The following GPR157 variants were observed in gnomAD, a reference collection of about 807,000 sequenced individuals.
The protein encoded by GPR157 is G protein-coupled receptor 157.
In GPR157, 16 loss-of-function variants were observed where a neutral mutation model predicts 23.5. That is an observed-to-expected ratio of 0.68 (90% CI 0.46 to 1.04). The LOEUF is 1.04. GPR157 is among the 50% of genes least tolerant of loss of function. The pLI is 0.00. For missense variants in GPR157, 440 were observed against 460.7 expected (o/e 0.96, Z 0.41); for synonymous variants, 200 against 221.5 (o/e 0.90, Z 0.86).
intron 1 of GPR157, among the ~76,000 whole-genome samples, chr1:9,123,962 G>A (rs1049525399): frequency 6.6e-6 from 1 of 151,254 alleles, no homozygotes; most frequent in African/African-American, 2.4e-5. Flanking sequence ...CTGAGGAGCT[G>A]GGACTGCAGC....
At chr1:9,126,032 G>A (rs1039989164) in intron 1 of GPR157, among the ~76,000 whole-genome samples, 14 of 149,686 alleles carry the variant, frequency 9.4e-5, no homozygotes, top group Non-Finnish European at 1.5e-4. Flanking sequence ...TGGCGCGATC[G>A]TGGCTCACTG....
chr1:9,115,172 C>T (rs1362237698), intron 1 of GPR157, among the ~76,000 whole-genome samples: 5 of 152,068 alleles, frequency 3.3e-5, no homozygotes, highest in Admixed American at 2.6e-4. Context: ...GTGTTGGGAA[C>T]ATTTCACAAC....
intron 1 of GPR157, among the ~76,000 whole-genome samples, chr1:9,116,133 A>C (rs2124518071): frequency 1.2e-5 from 1 of 86,634 alleles, no homozygotes; most frequent in South Asian, 3.1e-4. Flanking sequence ...ATAGCACACC[A>C]TTATATATAT....
Position 9,101,707 on chromosome 1 carries a change from G to A in GPR157, c.*2712C>T, listed in dbSNP as rs1214310546. ...ACTTGAGCCCAGGCACCCGGAGCAG[G>A]TATTTTCTGAGCCCTCAGCTCCCTC... On this transcript the variant is annotated 3_prime_UTR_variant, in exon 4 of 4. Coordinates refer to ENST00000377411, the MANE Select transcript of GPR157 (RefSeq NM_024980.5). The A allele has an allele frequency of 6.6e-6, 1 of 152,242 alleles. No individual in the cohort carries two copies. Among genetic ancestry groups the A allele is most frequent in the Non-Finnish European group, 1.5e-5 (1 of 68,058 alleles). The allele number at this position is 152,242 out of a possible 1,614,324, so 9.4% of individuals were successfully genotyped here.
chr1:9,115,076 G>A (rs539007587), intron 1 of GPR157, among the ~76,000 whole-genome samples: 12 of 152,194 alleles, frequency 7.9e-5, no homozygotes, highest in Admixed American at 2.0e-4. Context: ...TCAGGGAGCC[G>A]GTGGAAATGG....
chr1:9,105,419 C>T lies in GPR157; in HGVS notation c.792+67G>A, dbSNP rs888219867. 89 of 1,406,918 alleles carry T rather than the reference C, an allele frequency of 6.3e-5. No homozygotes were observed. Among genetic ancestry groups the T allele is most frequent in the East Asian group, 3.3e-4 (13 of 39,668 alleles). The allele number at this position is 1,406,918 out of a possible 1,614,324, so 87.2% of individuals were successfully genotyped here. A position where few individuals can be genotyped will look rare whatever the true frequency, so the allele number is the denominator to read the frequency against. ...ACACTGGGGTGCAGCCACTGTGCTG[C>T]GGGAAGGAATCAGGCTGTGCCTCCT... On this transcript the variant is annotated intron_variant, in intron 3 of 3. Coordinates refer to ENST00000377411, the MANE Select transcript of GPR157 (RefSeq NM_024980.5). This position sits in a 1 kb window ranked among gnomAD's most constrained non-coding sequence, Gnocchi z 4.8.
chr1:9,125,023 C>T (rs537991370), intron 1 of GPR157, among the ~76,000 whole-genome samples: 1 of 152,124 alleles, frequency 6.6e-6, no homozygotes, highest in South Asian at 2.1e-4. Context: ...CCTGTTGGAC[C>T]CAGCTTTCAC....
intron 2 of GPR157, among the ~76,000 whole-genome samples, chr1:9,109,604 C>T (rs970443405): frequency 1.3e-5 from 2 of 151,594 alleles, no homozygotes; most frequent in African/African-American, 2.4e-5. Context: ...GTGTTGGCCA[C>T]ACTGGTCTGG....
At position 9,128,494 on chromosome 1, in the gene GPR157, C is replaced by T. The variant is rs1260207141; in HGVS notation, c.383+151G>A. On this transcript the variant is annotated intron_variant, in intron 1 of 3. Transcript: ENST00000377411. The surrounding 1 kb of genome is among the most constrained non-coding windows in gnomAD (Gnocchi z 6.3). ...ATCTCGGGCAAGGCTGGCCTCCTCC[C>T]GCTGGCCCAGGACAGCCTCGGGGGC... 1.3e-6 allele frequency: 1 copy of T among 762,364 alleles called. No individual in the cohort carries two copies. The highest frequency in any genetic ancestry group is 2.2e-6 in the Non-Finnish European group (1 of 454,302). 47.2% of individuals were successfully genotyped at this position (762,364 alleles called of 1,614,324 possible).
Position 9,105,504 on chromosome 1 carries a change from C to T in GPR157, c.774G>A (p.Pro258=), listed in dbSNP as rs776403397. 6.0e-5 allele frequency: 95 copies of T among 1,573,462 alleles called. 1 individual carries two copies. Among genetic ancestry groups the T allele is most frequent in the Non-Finnish European group, 7.8e-5 (90 of 1,159,258 alleles). Residue 258 remains proline (P), a synonymous_variant, in exon 3 of 4, where the codon CCG becomes CCA. Transcript: ENST00000377411. The surrounding 1 kb of genome is among the most constrained non-coding windows in gnomAD (Gnocchi z 4.8). ...GACCTACATGCAGAACCACCAGCACCGGCGTCTGCACGGCCGGGGAGCCAC... is the reference window on the plus strand; with the variant it reads ...GACCTACATGCAGAACCACCAGCACTGGCGTCTGCACGGCCGGGGAGCCAC... ...TLCGSPAVQT[P]VLVVLHGIGN... is the part of the protein sequence containing the mutation.
In GPR157 at chr1:9,128,982, C is replaced by T. The variant is rs757813745; in HGVS notation, c.46G>A (p.Ala16Thr). 8.8e-6 allele frequency: 12 copies of T among 1,365,050 alleles called. No individual in the cohort carries two copies. The highest frequency in any genetic ancestry group is 1.1e-5 in the Non-Finnish European group (12 of 1,063,126). The allele number at this position is 1,365,050 out of a possible 1,614,324, so 84.6% of individuals were successfully genotyped here. A position where few individuals can be genotyped will look rare whatever the true frequency, so the allele number is the denominator to read the frequency against. Residue 16 changes from alanine to threonine, a missense_variant, in exon 1 of 4, where the codon GCC becomes ACC. Coordinates refer to ENST00000377411, the MANE Select transcript of GPR157 (RefSeq NM_024980.5). This position sits in a 1 kb window ranked among gnomAD's most constrained non-coding sequence, Gnocchi z 6.3. ...AGTGCGCACGACAGCAGCACCACGGCGCGCTCCGACGGCACCAGCTCGGTG... is the reference window on the plus strand; with the variant it reads ...AGTGCGCACGACAGCAGCACCACGGTGCGCTCCGACGGCACCAGCTCGGTG... Reference protein sequence around the residue: ...PPTELVPSERAVVLLSCALSA... With the variant: ...PPTELVPSERTVVLLSCALSA...
chr1:9,110,825 G>C (rs1194098019), intron 2 of GPR157, among the ~76,000 whole-genome samples: 4 of 152,206 alleles, frequency 2.6e-5, no homozygotes, highest in Non-Finnish European at 5.9e-5. Context: ...TTGCGTCACT[G>C]ATTGTGAAAT....
intron 1 of GPR157, among the ~76,000 whole-genome samples, chr1:9,116,467 CTTTT>C (rs1299293191): frequency 2.4e-5 from 3 of 123,472 alleles, no homozygotes; most frequent in African/African-American, 9.1e-5. Context: ...GTATTTATGG[CTTTT>C]TTTTTTTATT....
At chr1:9,109,046 G>T (rs994724387) in intron 2 of GPR157, among the ~76,000 whole-genome samples, 7 of 151,334 alleles carry the variant, frequency 4.6e-5, no homozygotes, top group Admixed American at 4.6e-4. Context: ...AAAGTTCTGG[G>T]ATTACAGGCG....
At chr1:9,107,919 T>G (rs3004243) in intron 2 of GPR157, among the ~76,000 whole-genome samples, 2,897 of 152,020 alleles carry the variant, frequency 0.019, 65 homozygotes, top group African/African-American at 0.056. Flanking sequence ...AGAGCAAGAC[T>G]CTGCCTTAAA....
chr1:9,111,935 G>A (rs772077046), intron 1 of GPR157, among the ~76,000 whole-genome samples: 87 of 152,074 alleles, frequency 5.7e-4, no homozygotes, highest in African/African-American at 1.4e-3. Flanking sequence ...GTGCCATTGC[G>A]TTCCCGCCTG....
At position 9,116,020 on chromosome 1, in the gene GPR157, T is replaced by C. The variant is rs370482438; in HGVS notation, c.384-4531A>G. The stretch of plus-strand genomic sequence containing the variant: ...CTGCTCTACACAATCAACAAAGCAA[T>C]AAATCAAGCCTTGATTTGTAGTCTT... On this transcript the variant is annotated intron_variant, in intron 1 of 3. Transcript: ENST00000377411. Among the ~76,000 whole-genome samples, 13 of 143,930 alleles carry C rather than the reference T, an allele frequency of 9.0e-5. No homozygotes were observed. The East Asian group carries it at 2.0e-3, about 22-fold the overall frequency. The allele number at this position is 143,930 out of a possible 152,430, so 94.4% of individuals were successfully genotyped here.
At chr1:9,112,252 T>C (rs547569202) in intron 1 of GPR157, among the ~76,000 whole-genome samples, 2 of 152,192 alleles carry the variant, frequency 1.3e-5, no homozygotes, top group South Asian at 4.1e-4. Context: ...CACTGGGGGC[T>C]TAGGGTTGCC....
intron 1 of GPR157, among the ~76,000 whole-genome samples, chr1:9,123,501 T>TATTCAA (rs1185865917): frequency 8.5e-6 from 1 of 117,240 alleles, no homozygotes; most frequent in Non-Finnish European, 1.6e-5. Context: ...ATAAATTATA[T>TATTCAA]ATTCAAAATA....
Sources: gnomAD v4.1 joint callset for allele counts (sites outside exome capture counted in the v4.1 genomes callset) on GRCh38, gnomAD v4.1.1 for gene constraint, Gnocchi (gnomAD v3.1) non-coding constraint, MANE v1.5 for transcripts, NCBI Gene and HGNC (gene_info 2026-07-23, HGNC 2026-07-21) for gene names.